Variants in EML4 observed in about 807,000 individuals in gnomAD.
EML4 encodes echinoderm microtubule-associated protein-like 4.
Under a neutral mutation model 129.0 loss-of-function variants are expected in EML4, and 72 were observed. The ratio of observed to expected loss-of-function variants is 0.56; its 90% CI spans 0.46 to 0.68. The LOEUF is 0.68. Among genes scored for constraint, EML4 ranks in the 30% least tolerant of loss-of-function variants. The pLI is 0.00. For missense variants in EML4, 1,363 were observed against 1,190.6 expected (o/e 1.14, Z -2.13); for synonymous variants, 532 against 405.0 (o/e 1.31, Z -3.77).
At chr2:42,299,051 T>G (rs1357843709) in intron 13 of EML4, among the ~76,000 whole-genome samples, 2 of 152,244 alleles carry the variant, frequency 1.3e-5, no homozygotes, top group East Asian at 1.9e-4. Context: ...CCTATGCCAG[T>G]GAACACAGTT....
intron 1 of EML4, among the ~76,000 whole-genome samples, chr2:42,232,680 C>A (rs906912043): frequency 6.6e-6 from 1 of 152,188 alleles, no homozygotes; most frequent in African/African-American, 2.4e-5. Context: ...TAGAAACACT[C>A]TTTTGATGGC....
At chr2:42,255,003 A>G (rs1037054591) in intron 2 of EML4, among the ~76,000 whole-genome samples, 1 of 152,194 alleles carries the variant, frequency 6.6e-6, no homozygotes, top group Admixed American at 6.5e-5. Context: ...GTACTATATA[A>G]AAGAAGCCAA....
intron 1 of EML4, among the ~76,000 whole-genome samples, chr2:42,213,081 C>T (rs957020250): frequency 7.2e-5 from 11 of 152,204 alleles, no homozygotes; most frequent in African/African-American, 2.7e-4. Context: ...AACTCTGCTT[C>T]AGTTGTAAAA....
At chr2:42,209,939 A>AAAAC (rs139230774) in intron 1 of EML4, among the ~76,000 whole-genome samples, 23 of 151,824 alleles carry the variant, frequency 1.5e-4, no homozygotes, top group Non-Finnish European at 2.1e-4. Context: ...CAAAACCAAA[A>AAAAC]AAACAAACAA....
Position 42,318,490 on chromosome 2 carries a change from A to G in EML4, c.2154+966A>G, listed in dbSNP as rs183964230. Among the ~76,000 whole-genome samples the G allele has an allele frequency of 8.5e-5, 13 of 152,332 alleles. No individual in the cohort carries two copies. The East Asian group carries it at 2.3e-3, about 27-fold the overall frequency. On this transcript the variant is annotated intron_variant, in intron 19 of 22. Transcript: ENST00000318522. The stretch of plus-strand genomic sequence containing the variant: ...GAGTCCATTTGTAAACTAGTCTACA[A>G]ACAACTTCAGAGTTTAGAATTTGTC...
rs949817762 is a variant in EML4, at chr2:42,304,552, G to A, written c.1967+1G>A. On this transcript the variant is annotated splice_donor_variant, in intron 17 of 22. Transcript: ENST00000318522. LOFTEE classifies it high-confidence loss of function. ...TGGCCATAGGAACGCACTCAGGCAG[G>A]TAGGGTCTTTAAGTGAACTGAGTAA... 1.2e-6 allele frequency: 2 copies of A among 1,612,566 alleles called. No homozygotes were observed. The highest frequency in any genetic ancestry group is 8.5e-7 in the Non-Finnish European group (1 of 1,178,588).
chr2:42,267,031 A>G (rs188959610), intron 6 of EML4, among the ~76,000 whole-genome samples: 2 of 152,300 alleles, frequency 1.3e-5, no homozygotes, highest in East Asian at 1.9e-4. Context: ...GTTTAAACAC[A>G]TGGATTTTGG....
intron 10 of EML4, among the ~76,000 whole-genome samples, chr2:42,287,370 C>G (rs910942809): frequency 6.6e-6 from 1 of 152,182 alleles, no homozygotes; most frequent in Non-Finnish European, 1.5e-5. Context: ...ATAGCAGGAA[C>G]TGTTGTCAGG....
chr2:42,277,791 A>C (rs181131847), intron 6 of EML4, among the ~76,000 whole-genome samples: 1 of 152,012 alleles, frequency 6.6e-6, no homozygotes, highest in Non-Finnish European at 1.5e-5. Flanking sequence ...CTGGTCTCAA[A>C]CTCCTGACCT....
intron 11 of EML4, among the ~76,000 whole-genome samples, chr2:42,294,146 ATCC>A (rs1261289421): frequency 3.3e-5 from 5 of 152,218 alleles, no homozygotes; most frequent in African/African-American, 1.2e-4. Context: ...TTAGAATGAT[ATCC>A]TCAATTGAAA....
At chr2:42,191,943 C>T (rs950116445) in intron 1 of EML4, among the ~76,000 whole-genome samples, 3 of 151,888 alleles carry the variant, frequency 2.0e-5, no homozygotes, top group Non-Finnish European at 4.4e-5. Flanking sequence ...AGTTTGAGAC[C>T]AGCCAGGCCA....
intron 1 of EML4, among the ~76,000 whole-genome samples, chr2:42,174,081 T>C (rs1316686413): frequency 6.6e-6 from 1 of 152,228 alleles, no homozygotes; most frequent in Non-Finnish European, 1.5e-5. Flanking sequence ...TTCTGTCTTA[T>C]GTGTAAGTTG....
Position 42,259,501 on chromosome 2 carries a change from TATTC to T in EML4, c.339-1613_339-1610del, listed in dbSNP as rs767333024. ...TTTTAACATAAGATACATTCACCTG[TATTC>T]ATTCATCACTTTTTAAATGAAAGAC... is the stretch of plus-strand genomic sequence containing the variant. On this transcript the variant is annotated intron_variant, in intron 3 of 22. Transcript: ENST00000318522. Among the ~76,000 whole-genome samples, 17 of 152,226 alleles carry T rather than the reference TATTC, an allele frequency of 1.1e-4. No homozygotes were observed. The East Asian group carries it at 3.3e-3, about 29-fold the overall frequency.
chr2:42,229,619 C>CT (rs1298228483), intron 1 of EML4, among the ~76,000 whole-genome samples: 1 of 151,960 alleles, frequency 6.6e-6, no homozygotes, highest in African/African-American at 2.4e-5. Flanking sequence ...CATGTAAATA[C>CT]TGAGTTTGTC....
At position 42,263,161 on chromosome 2, in the gene EML4, A is replaced by T; in HGVS notation, c.513-17A>T. 6.3e-7 allele frequency: 1 copy of T among 1,597,174 alleles called. No individual in the cohort carries two copies. The highest frequency in any genetic ancestry group is 8.5e-7 in the Non-Finnish European group (1 of 1,174,366). ...GATACTCAGAATTTTTCTCTAAGAA[A>T]TTAATGTTCCTTCTAGCATAAAACG... is the stretch of plus-strand genomic sequence containing the variant. On this transcript the variant is annotated splice_polypyrimidine_tract_variant and intron_variant, in intron 4 of 22. Coordinates refer to ENST00000318522, the MANE Select transcript of EML4 (RefSeq NM_019063.5).
intron 1 of EML4, among the ~76,000 whole-genome samples, chr2:42,184,374 T>TCCCTCCC (rs1265948504): frequency 8.4e-6 from 1 of 118,512 alleles, no homozygotes; most frequent in Non-Finnish European, 1.7e-5. Context: ...CCTAATGCTA[T>TCCCTCCC]CCCTCCCCCC....
chr2:42,264,103 G>GTTTTTTTTTTTTTTT lies in EML4; in HGVS notation c.642-591_642-577dup, dbSNP rs9309080. Among the ~76,000 whole-genome samples, 3 of 100,748 alleles carry GTTTTTTTTTTTTTTT rather than the reference G, an allele frequency of 3.0e-5. 1 individual carries two copies. The highest frequency in any genetic ancestry group is 2.0e-5 in the Non-Finnish European group (1 of 51,220). The allele number at this position is 100,748 out of a possible 152,430, so 66.1% of individuals were successfully genotyped here. ...AAGGCTCCCAACTCAAACAATACGTGTTTTTTTTTTTTTTTTTTTTTTTTT... is the reference window on the plus strand; with the variant it reads ...AAGGCTCCCAACTCAAACAATACGTGTTTTTTTTTTTTTTTTTTTTTTTTTTTTTTTTTTTTTTTT... On this transcript the variant is annotated intron_variant, in intron 5 of 22. Coordinates refer to ENST00000318522, the MANE Select transcript of EML4 (RefSeq NM_019063.5).
chr2:42,195,844 T>C (rs1432710832), intron 1 of EML4, among the ~76,000 whole-genome samples: 2 of 152,232 alleles, frequency 1.3e-5, no homozygotes, highest in Non-Finnish European at 2.9e-5. Context: ...TTCTCCAATC[T>C]TTATTGTACC....
intron 1 of EML4, among the ~76,000 whole-genome samples, chr2:42,176,196 A>G (rs1670592096): frequency 6.6e-6 from 1 of 151,842 alleles, no homozygotes; most frequent in African/African-American, 2.4e-5. Flanking sequence ...ATTCTTTGCC[A>G]TTTTTGCCTA....
Sources: allele counts gnomAD v4.1 joint callset (sites outside exome capture counted in the v4.1 genomes callset), GRCh38; gene constraint gnomAD v4.1.1; transcripts MANE v1.5; gene names NCBI Gene and HGNC (gene_info 2026-07-23, HGNC 2026-07-21).